LINGO2: variants seen among roughly 807,000 people sequenced by gnomAD.
LINGO2 encodes leucine rich repeat and Ig domain containing 2.
A neutral mutation model predicts 30.6 loss-of-function variants in LINGO2; 14 were observed. That is an observed-to-expected ratio of 0.46 (90% CI 0.30 to 0.72). The LOEUF is 0.72. Ranked by LOEUF, LINGO2 falls within the 30% of genes least tolerant of loss-of-function variation. LINGO2 has a pLI of 0.07. For missense variants in LINGO2, 729 were observed against 751.7 expected (o/e 0.97, Z 0.35); for synonymous variants, 317 against 288.5 (o/e 1.10, Z -1.00).
the LINGO2 span, among the ~76,000 whole-genome samples, chr9:29,078,879 A>C: frequency 6.6e-6 from 1 of 151,660 alleles, no homozygotes; most frequent in African/African-American, 2.4e-5. Context: ...TCCTAGGATC[A>C]AGGCTGAATT....
At chr9:28,714,267 A>T in the LINGO2 span, among the ~76,000 whole-genome samples, 4 of 151,156 alleles carry the variant, frequency 2.6e-5, no homozygotes, top group African/African-American at 4.9e-5. Context: ...CATCTTCTAC[A>T]TCTCAACATC....
downstream of LINGO2, chr9:27,943,547 T>G (rs1823247909): frequency 6.6e-6 from 1 of 152,006 alleles, no homozygotes; most frequent in African/African-American, 2.4e-5. Flanking sequence ...ACCTGCAGAT[T>G]GCTGTCAGCT....
chr9:29,074,997 A>G, the LINGO2 span, among the ~76,000 whole-genome samples: 16 of 151,826 alleles, frequency 1.1e-4, no homozygotes, highest in Middle Eastern at 3.4e-3. Flanking sequence ...TTACTTTCAA[A>G]CTTCATTATC....
intron 4 of LINGO2, among the ~76,000 whole-genome samples, chr9:28,228,256 G>A (rs1339516063): frequency 6.6e-6 from 1 of 151,956 alleles, no homozygotes; most frequent in Non-Finnish European, 1.5e-5. Flanking sequence ...TGTATTTTAT[G>A]ACTTTGGAAG....
At chr9:28,920,624 T>C in the LINGO2 span, among the ~76,000 whole-genome samples, 1 of 152,184 alleles carries the variant, frequency 6.6e-6, no homozygotes, top group African/African-American at 2.4e-5. Context: ...AATTTTCTTA[T>C]GTAGTAATGG....
chr9:28,120,386 A>T (rs1452333), intron 4 of LINGO2, among the ~76,000 whole-genome samples: 2 of 152,030 alleles, frequency 1.3e-5, no homozygotes, highest in Non-Finnish European at 2.9e-5. Flanking sequence ...TGAATGAAGG[A>T]GCTCCTGTGA....
intron 4 of LINGO2, among the ~76,000 whole-genome samples, chr9:28,292,315 A>C (rs67761857): frequency 0.073 from 11,100 of 152,088 alleles, 730 homozygotes; most frequent in East Asian, 0.39. Flanking sequence ...ATAAGATCCA[A>C]CTCACATGGG....
chr9:28,411,837 C>T (rs965950715), intron 2 of LINGO2, among the ~76,000 whole-genome samples: 29 of 152,058 alleles, frequency 1.9e-4, no homozygotes, highest in African/African-American at 6.3e-4. Flanking sequence ...TTTGAAGAAT[C>T]ACCGCATTGT....
the LINGO2 span, among the ~76,000 whole-genome samples, chr9:28,987,207 T>C: frequency 6.6e-6 from 1 of 151,776 alleles, no homozygotes; most frequent in Non-Finnish European, 1.5e-5. Flanking sequence ...TTTGTATTAC[T>C]GATTAAATCT....
the LINGO2 span, among the ~76,000 whole-genome samples, chr9:28,691,669 G>T: frequency 6.6e-6 from 1 of 152,042 alleles, no homozygotes; most frequent in African/African-American, 2.4e-5. Context: ...GAGAATCTTG[G>T]ATAACTTGTA....
chr9:28,517,208 T>G (rs1820653378), intron 1 of LINGO2, among the ~76,000 whole-genome samples: 1 of 152,172 alleles, frequency 6.6e-6, no homozygotes, highest in Non-Finnish European at 1.5e-5. Context: ...TGTGACTTAA[T>G]CCTCCTATTC....
chr9:28,389,857 T>G (rs1445310750), intron 2 of LINGO2, among the ~76,000 whole-genome samples: 2 of 152,180 alleles, frequency 1.3e-5, no homozygotes, highest in African/African-American at 4.8e-5. Flanking sequence ...AATTTCTGAT[T>G]TGAGGGGACA....
chr9:28,015,366 G>A (rs10812723), intron 4 of LINGO2, among the ~76,000 whole-genome samples: 39,447 of 151,960 alleles, frequency 0.26, 5,361 homozygotes, highest in African/African-American at 0.33. Context: ...AATTGTTAAA[G>A]ATTATAAAAA....
chr9:29,116,281 G>T, the LINGO2 span, among the ~76,000 whole-genome samples: 4 of 151,810 alleles, frequency 2.6e-5, no homozygotes, highest in African/African-American at 9.7e-5. Flanking sequence ...GCAGAAAAAA[G>T]AATACTGACA....
chr9:28,560,261 A>T (rs911559413), intron 1 of LINGO2, among the ~76,000 whole-genome samples: 1 of 152,048 alleles, frequency 6.6e-6, no homozygotes, highest in Non-Finnish European at 1.5e-5. Flanking sequence ...GATTTTGGGT[A>T]AGATTACATT....
the LINGO2 span, among the ~76,000 whole-genome samples, chr9:28,899,017 G>GT: frequency 6.6e-6 from 1 of 151,852 alleles, no homozygotes; most frequent in African/African-American, 2.4e-5. Context: ...ACCTCCCAGT[G>GT]TTTGTCTCTC....
chr9:28,148,932 G>C lies in LINGO2; in HGVS notation c.-86-136527C>G, dbSNP rs1456656739. The C allele has an allele frequency of 1.1e-5, 17 of 1,533,874 alleles. No homozygotes were observed. The highest frequency in any genetic ancestry group is 5.9e-5 in the Admixed American group (3 of 50,982). On this transcript the variant is annotated intron_variant, in intron 4 of 5. Coordinates refer to ENST00000379992, the Ensembl canonical transcript of LINGO2. The surrounding 1 kb of genome is among the most constrained non-coding windows in gnomAD (Gnocchi z 5.1). The stretch of plus-strand genomic sequence containing the variant: ...GGGTCAAGTAGGTCTTCTCCACACA[G>C]AGCTGCCGGCCACAGTTCCCACAAA...
chr9:28,959,610 C>CTCTCTCTCTCTCTCT, the LINGO2 span, among the ~76,000 whole-genome samples: 28 of 141,708 alleles, frequency 2.0e-4, no homozygotes, highest in African/African-American at 7.7e-4. Context: ...TCTCTCTCTC[C>CTCTCTCTCTCTCTCT]CTCACACACA....
intron 4 of LINGO2, among the ~76,000 whole-genome samples, chr9:28,026,136 AAAT>A (rs1474590124): frequency 1.3e-5 from 2 of 152,314 alleles, no homozygotes; most frequent in Non-Finnish European, 2.9e-5. Context: ...GATTCATCCT[AAAT>A]AATACTTCTC....
Sources: gnomAD v4.1 joint callset for allele counts (sites outside exome capture counted in the v4.1 genomes callset) on GRCh38, gnomAD v4.1.1 for gene constraint, Gnocchi (gnomAD v3.1) non-coding constraint, MANE v1.5 for transcripts, NCBI Gene and HGNC (gene_info 2026-07-23, HGNC 2026-07-21) for gene names.